USP32: variants seen among roughly 807,000 people sequenced by gnomAD.
USP32 encodes ubiquitin specific peptidase 32, also known as ubiquitin carboxyl-terminal hydrolase 32.
USP32 carries 59 observed loss-of-function variants against 204.8 expected under a neutral mutation model. The ratio of observed to expected loss-of-function variants is 0.29; its 90% confidence interval spans 0.23 to 0.36. The LOEUF is 0.36. Ranked by LOEUF, USP32 falls within the 10% of genes least tolerant of loss-of-function variation. The probability of loss-of-function intolerance (pLI) is 1.00; values close to 1 mark genes in which losing one functional copy is unlikely to be tolerated. For missense variants in USP32, 1,160 were observed against 1,946.4 expected, an observed-to-expected ratio of 0.60 and a Z score of 7.60; for synonymous variants, 517 against 678.4, an observed-to-expected ratio of 0.76 and a Z score of 3.70.
intron 2 of USP32, among the ~76,000 whole-genome samples, chr17:60,339,203 G>A (rs1471110150): frequency 1.3e-5 from 2 of 151,838 alleles, no homozygotes; most frequent in Non-Finnish European, 2.9e-5. Context: ...GAGCCACCGC[G>A]CCCAGCCTAG....
chr17:60,280,693 A>G (rs2086947520), intron 5 of USP32, among the ~76,000 whole-genome samples: 1 of 152,226 alleles, frequency 6.6e-6, no homozygotes, highest in Non-Finnish European at 1.5e-5. Flanking sequence ...CTACTTATAA[A>G]TCAGTTAATA....
intron 27 of USP32, among the ~76,000 whole-genome samples, chr17:60,196,215 G>A (rs1598045800): frequency 1.3e-5 from 2 of 148,880 alleles, no homozygotes; most frequent in South Asian, 4.2e-4. Flanking sequence ...GCAGTGAGCC[G>A]AGATCATGCC....
intron 1 of USP32, among the ~76,000 whole-genome samples, chr17:60,413,270 T>C (rs998041990): frequency 1.3e-5 from 2 of 152,158 alleles, no homozygotes; most frequent in African/African-American, 2.4e-5. Flanking sequence ...TCCACTCACC[T>C]GGCCCAGCAA....
chr17:60,345,297 ACTCCCAC>A (rs1428274527), intron 2 of USP32, among the ~76,000 whole-genome samples, 177 bp downstream of exon 2: 2 of 152,184 alleles, frequency 1.3e-5, no homozygotes, highest in African/African-American at 2.4e-5. Flanking sequence ...GCTCTGTAGT[ACTCCCAC>A]TTGACCTCTA....
At chr17:60,339,435 T>C (rs576890918) in intron 2 of USP32, among the ~76,000 whole-genome samples, 1 of 151,608 alleles carries the variant, frequency 6.6e-6, no homozygotes, top group South Asian at 2.1e-4. Flanking sequence ...ATACAAAAAT[T>C]AGCCAGGCGT....
chr17:60,265,841 C>A, intron 8 of USP32, 135 bp downstream of exon 8: 1 of 655,364 alleles, frequency 1.5e-6, no homozygotes, highest in Non-Finnish European at 2.5e-6. Context: ...GCATCTTCAG[C>A]TATAAATATT....
intron 1 of USP32, among the ~76,000 whole-genome samples, chr17:60,414,812 C>A (rs1451907940): frequency 1.3e-5 from 2 of 151,672 alleles, no homozygotes; most frequent in African/African-American, 4.8e-5. Context: ...CCTGGAATTT[C>A]CCTAGAAGGA....
At chr17:60,405,391 G>A (rs1254208855) in intron 1 of USP32, among the ~76,000 whole-genome samples, 1 of 151,942 alleles carries the variant, frequency 6.6e-6, no homozygotes, top group Admixed American at 6.6e-5. Context: ...TTGTAGTAGA[G>A]ATGGGGTTTC....
intron 26 of USP32, among the ~76,000 whole-genome samples, chr17:60,200,168 T>C (rs1232237940): frequency 6.6e-6 from 1 of 151,604 alleles, no homozygotes; most frequent in Admixed American, 6.6e-5. Context: ...CACTCCAGCC[T>C]GGCCGACAAC....
intron 9 of USP32, 148 bp downstream of exon 9, chr17:60,265,264 A>G (rs996249443): frequency 1.2e-5 from 6 of 487,704 alleles, no homozygotes; most frequent in Non-Finnish European, 2.2e-5. Flanking sequence ...CTCTTTGGAG[A>G]TAACTTGGAG....
intron 26 of USP32, among the ~76,000 whole-genome samples, chr17:60,205,161 G>A (rs370187178): frequency 5.3e-5 from 8 of 152,032 alleles, no homozygotes; most frequent in African/African-American, 1.9e-4. Context: ...CTTAATATAC[G>A]GATAAGGAAT....
intron 1 of USP32, among the ~76,000 whole-genome samples, chr17:60,368,991 A>ATTTTTTTTTTT (rs758528054): frequency 1.4e-4 from 16 of 114,128 alleles, no homozygotes; most frequent in African/African-American, 7.7e-4. Flanking sequence ...TTTTTAAAAG[A>ATTTTTTTTTTT]TTTTTTTTTT....
At chr17:60,398,511 T>C (rs990402440) in intron 1 of USP32, among the ~76,000 whole-genome samples, 8 of 152,130 alleles carry the variant, frequency 5.3e-5, no homozygotes, top group African/African-American at 1.9e-4. Context: ...GGAAGGAAAT[T>C]CATGTAAGAA....
chr17:60,218,180 A>C (rs557473407), intron 16 of USP32, among the ~76,000 whole-genome samples: 21 of 152,232 alleles, frequency 1.4e-4, no homozygotes, highest in South Asian at 2.1e-4. Flanking sequence ...GTCAGGAGAT[A>C]GAGACCATCC....
intron 2 of USP32, among the ~76,000 whole-genome samples, chr17:60,332,702 C>A (rs1259504719): frequency 6.6e-6 from 1 of 152,196 alleles, no homozygotes; most frequent in African/African-American, 2.4e-5. Flanking sequence ...TTTTCTCCTG[C>A]ACCAATATCG....
At chr17:60,412,731 A>G (rs1256364711) in intron 1 of USP32, among the ~76,000 whole-genome samples, 2 of 152,020 alleles carry the variant, frequency 1.3e-5, no homozygotes, top group African/African-American at 4.8e-5. Flanking sequence ...TCCTTTGGGG[A>G]GAAATTGCTG....
chr17:60,207,233 T>A (rs1049127400), intron 24 of USP32, 101 bp from the exon 25 acceptor site: 1 of 1,470,292 alleles, frequency 6.8e-7, no homozygotes, highest in Non-Finnish European at 9.0e-7. Flanking sequence ...GGCGCTTTCA[T>A]CCGTAAAACC....
intron 13 of USP32, 88 bp from the exon 14 acceptor site, chr17:60,223,674 G>A (rs2145575901): frequency 9.0e-7 from 1 of 1,116,954 alleles, no homozygotes; most frequent in Non-Finnish European, 1.3e-6. Flanking sequence ...CCCATGTATT[G>A]TATTACTCTG....
chr17:60,378,167 T>C (rs1325872145), intron 1 of USP32, among the ~76,000 whole-genome samples: 4 of 152,006 alleles, frequency 2.6e-5, no homozygotes, highest in African/African-American at 9.7e-5. Flanking sequence ...AAAAAAGACA[T>C]ACAAATGACC....
Sources: gnomAD v4.1 joint callset for allele counts (sites outside exome capture counted in the v4.1 genomes callset) on GRCh38, gnomAD v4.1.1 for gene constraint, MANE v1.5 for transcripts, NCBI Gene and HGNC (gene_info 2026-07-23, HGNC 2026-07-21) for gene names.